Variants in SERPINB5 observed in about 807,000 individuals in gnomAD.
SERPINB5 encodes serpin B5.
In SERPINB5, 27 loss-of-function variants were observed where a neutral mutation model predicts 32.2. The ratio of observed to expected loss-of-function variants is 0.84; its 90% CI spans 0.62 to 1.16. SERPINB5 has a LOEUF of 1.16. Ranked by LOEUF, SERPINB5 falls within the 50% of genes most tolerant of loss-of-function variation. The pLI, the probability that SERPINB5 is intolerant of heterozygous loss-of-function variation, is 0.00. For synonymous variants in SERPINB5, 154 were observed against 157.4 expected (o/e 0.98, Z 0.16); for missense variants, 388 against 436.3 (o/e 0.89, Z 0.99).
intron 5 of SERPINB5, chr18:63,496,982 T>C: frequency 6.0e-6 from 3 of 499,100 alleles, no homozygotes; most frequent in South Asian, 4.6e-5. Context: ...GTTGGGAGAC[T>C]GAGAAAATGC....
At chr18:63,477,314 G>A (rs1231328489) in intron 1 of SERPINB5, 1 of 152,142 alleles carries the variant, frequency 6.6e-6, no homozygotes, top group Non-Finnish European at 1.5e-5. Context: ...AAGAAGTCAC[G>A]TGGCTCGGAG....
Position 63,504,007 on chromosome 18 carries a change from G to T in SERPINB5, c.*285G>T. On this transcript the variant is annotated 3_prime_UTR_variant, in exon 7 of 7. Transcript: ENST00000382771. ...TATTCATTATTTGTCAAATTGTCCGGGGTAGTTGGCAGAAATACAGTCTTC... is the reference window on the plus strand; with the variant it reads ...TATTCATTATTTGTCAAATTGTCCGTGGTAGTTGGCAGAAATACAGTCTTC... 2.8e-6 allele frequency: 1 copy of T among 359,156 alleles called. No homozygotes were observed. The highest frequency in any genetic ancestry group is 5.0e-6 in the Non-Finnish European group (1 of 199,964). 22.2% of individuals were successfully genotyped at this position (359,156 alleles called of 1,614,324 possible).
Position 63,498,574 on chromosome 18 carries a change from A to G in SERPINB5, c.568-546A>G, listed in dbSNP as rs1473909940. 6.6e-6 allele frequency among the ~76,000 whole-genome samples: 1 copy of G among 152,162 alleles called. No individual in the cohort carries two copies. The highest frequency in any genetic ancestry group is 1.5e-5 in the Non-Finnish European group (1 of 68,042). On this transcript the variant is annotated intron_variant, in intron 5 of 6. Coordinates refer to ENST00000382771, the MANE Select transcript of SERPINB5 (RefSeq NM_002639.5). This position sits in a 1 kb window ranked among gnomAD's most constrained non-coding sequence, Gnocchi z 4.2. ...GTTTGATCTATGCAAATACAGTATT[A>G]TATATACTTCATGTAATGTGTAACA... is the stretch of plus-strand genomic sequence containing the variant.
Position 63,496,608 on chromosome 18 carries a change from G to A in SERPINB5, c.568-2512G>A, listed in dbSNP as rs113413390. On this transcript the variant is annotated intron_variant, in intron 5 of 6. Coordinates refer to ENST00000382771, the MANE Select transcript of SERPINB5 (RefSeq NM_002639.5). ...ATAACGTTTAGCTCTGCTGGAGAGA[G>A]GTATTGGGGAAGGTTCAGCTTAGTA... 5.8e-3 allele frequency among the ~76,000 whole-genome samples: 883 copies of A among 152,320 alleles called. 12 individuals carry two copies. Among genetic ancestry groups the A allele is most frequent in the African/African-American group, 0.02 (818 of 41,574 alleles).
intron 5 of SERPINB5, among the ~76,000 whole-genome samples, chr18:63,494,774 T>C (rs1010455636): frequency 2.6e-5 from 4 of 152,236 alleles, no homozygotes; most frequent in Admixed American, 6.5e-5. Flanking sequence ...AATTTGCTTT[T>C]CCACAGTGAA....
chr18:63,504,103 T>A lies in SERPINB5; in HGVS notation c.*381T>A, dbSNP rs569614245. 5.0e-5 allele frequency: 11 copies of A among 221,820 alleles called. No homozygotes were observed. The South Asian group carries it at 8.0e-4, about 16-fold the overall frequency. The allele number at this position is 221,820 out of a possible 1,614,324, so 13.7% of individuals were successfully genotyped here. On this transcript the variant is annotated 3_prime_UTR_variant, in exon 7 of 7. Coordinates refer to ENST00000382771, the MANE Select transcript of SERPINB5 (RefSeq NM_002639.5). The stretch of plus-strand genomic sequence containing the variant: ...AGCACTATGCTTTCCTTCTTTGGGA[T>A]AGAGAATGTTCCAGACATTCTCGCT...
chr18:63,482,875 C>G (rs1247710095), intron 1 of SERPINB5, among the ~76,000 whole-genome samples: 1 of 150,442 alleles, frequency 6.6e-6, no homozygotes, highest in Admixed American at 6.6e-5. Flanking sequence ...TATTAAAAAA[C>G]ATTTTCTAAA....
At chr18:63,496,709 A>C (rs1334253522) in intron 5 of SERPINB5, among the ~76,000 whole-genome samples, 1 of 152,230 alleles carries the variant, frequency 6.6e-6, no homozygotes, top group Non-Finnish European at 1.5e-5. Context: ...TTTCTCCCCA[A>C]AGAGATTTAG....
Position 63,504,905 on chromosome 18 carries a change from G to A in SERPINB5, c.*1183G>A, listed in dbSNP as rs1909645422. 6.6e-6 allele frequency: 1 copy of A among 152,128 alleles called. No homozygotes were observed. The highest frequency in any genetic ancestry group is 6.5e-5 in the Admixed American group (1 of 15,268). 9.4% of individuals were successfully genotyped at this position (152,128 alleles called of 1,614,324 possible). ...GTAATTTGTAAAGTTGGTTGGATAA[G>A]CTATCCGTGTTGCAGGTTCATGGAT... On this transcript the variant is annotated 3_prime_UTR_variant, in exon 7 of 7. Transcript: ENST00000382771.
chr18:63,482,865 T>C (rs1428354620), intron 1 of SERPINB5, among the ~76,000 whole-genome samples: 5 of 150,654 alleles, frequency 3.3e-5, no homozygotes, highest in Admixed American at 2.6e-4. Flanking sequence ...ATAATATATA[T>C]ATTAAAAAAC....
chr18:63,487,799 G>T (rs964429562), intron 3 of SERPINB5, among the ~76,000 whole-genome samples: 10 of 152,054 alleles, frequency 6.6e-5, no homozygotes, highest in African/African-American at 2.4e-4. Flanking sequence ...AGTTGATTTA[G>T]TTCCTGTTTG....
intron 1 of SERPINB5, among the ~76,000 whole-genome samples, chr18:63,478,422 A>G (rs1190976108): frequency 6.6e-6 from 1 of 152,220 alleles, no homozygotes; most frequent in African/African-American, 2.4e-5. Flanking sequence ...GCTGTATTGT[A>G]CTTTCTTGCC....
At chr18:63,487,296 T>C (rs573746327) in intron 3 of SERPINB5, among the ~76,000 whole-genome samples, 1 of 152,354 alleles carries the variant, frequency 6.6e-6, no homozygotes, top group African/African-American at 2.4e-5. Flanking sequence ...GAGAAGCTTA[T>C]GGGCTTTCCT....
chr18:63,499,924 T>C (rs1024680816), intron 6 of SERPINB5, among the ~76,000 whole-genome samples: 3 of 152,032 alleles, frequency 2.0e-5, no homozygotes, highest in Admixed American at 1.3e-4. Context: ...AGGCCTACAG[T>C]TTCACCTGTT....
In SERPINB5 at chr18:63,503,384, A is replaced by G. The variant is rs1217802006; in HGVS notation, c.790A>G (p.Met264Val). The change falls in exon 7 of 7, where the codon ATG becomes GTG. Residue 264 changes from methionine (M) to valine (V), a missense_variant. Physicochemically the swap from Met to Val is conservative, Grantham distance 21. Transcript: ENST00000382771. Reference sequence around the variant, plus strand: ...GTCACAGTGGACTAATCCCAGCACCATGGCCAATGCCAAGGTCAAACTCTC... The same window carrying G: ...GTCACAGTGGACTAATCCCAGCACCGTGGCCAATGCCAAGGTCAAACTCTC... ...SLSQWTNPST[M>V]ANAKVKLSIP... is the part of the protein sequence containing the mutation. 2 of 1,614,232 alleles carry G rather than the reference A, an allele frequency of 1.2e-6. No homozygotes were observed. The highest frequency in any genetic ancestry group is 1.7e-6 in the Non-Finnish European group (2 of 1,180,016).
At chr18:63,493,525 G>A (rs1909383974) in intron 5 of SERPINB5, 1 of 335,564 alleles carries the variant, frequency 3.0e-6, no homozygotes, top group African/African-American at 2.1e-5. Flanking sequence ...TCGGTTGATA[G>A]CGAAGTATAT....
chr18:63,499,247 T>C lies in SERPINB5; in HGVS notation c.695T>C (p.Leu232Pro), dbSNP rs1909521128. ...QNKHLSMFIL[L>P]PKDVEDESTG... ...AAGCATCTCAGCATGTTCATCCTAC[T>C]ACCCAAGGATGTGGAGGATGAGTCC... The change falls in exon 6 of 7, where the codon CTA becomes CCA. Residue 232 changes from leucine (L) to proline (P), a missense_variant. Leu to Pro is a moderately conservative substitution (Grantham distance 98). Coordinates refer to ENST00000382771, the MANE Select transcript of SERPINB5 (RefSeq NM_002639.5). 6.3e-7 allele frequency: 1 copy of C among 1,598,000 alleles called. No homozygotes were observed. Among genetic ancestry groups the C allele is most frequent in the African/African-American group, 1.3e-5 (1 of 74,294 alleles).
chr18:63,488,319 A>G (rs1192216551), intron 3 of SERPINB5, among the ~76,000 whole-genome samples: 1 of 152,230 alleles, frequency 6.6e-6, no homozygotes, highest in Non-Finnish European at 1.5e-5. Flanking sequence ...CTGACATGAC[A>G]CTGAATCAAG....
intron 4 of SERPINB5, among the ~76,000 whole-genome samples, chr18:63,492,273 C>G (rs1274487998): frequency 6.6e-6 from 1 of 152,186 alleles, no homozygotes; most frequent in Non-Finnish European, 1.5e-5. Context: ...ATCAGCCTGC[C>G]CGCAAGGAGT....
Sources: allele counts gnomAD v4.1 joint callset (sites outside exome capture counted in the v4.1 genomes callset), GRCh38; gene constraint gnomAD v4.1.1; non-coding constraint Gnocchi (gnomAD v3.1); transcripts MANE v1.5; gene names NCBI Gene and HGNC (gene_info 2026-07-23, HGNC 2026-07-21).